Variants in PHYH observed in about 807,000 individuals in gnomAD.
The protein encoded by PHYH is phytanoyl-CoA 2-hydroxylase.
A neutral mutation model predicts 38.5 loss-of-function variants in PHYH; 32 were observed. That is an observed-to-expected ratio of 0.83 (90% CI 0.63 to 1.12). PHYH has a LOEUF of 1.12. PHYH is among the 50% of genes most tolerant of loss of function. PHYH has a pLI of 0.00. For missense variants in PHYH, 426 were observed against 434.8 expected, an observed-to-expected ratio of 0.98 and a Z score of 0.18; for synonymous variants, 166 against 157.9, an observed-to-expected ratio of 1.05 and a Z score of -0.38.
chr10:13,292,408 G>A (rs1023735439), intron 4 of PHYH, among the ~76,000 whole-genome samples: 2 of 152,222 alleles, frequency 1.3e-5, no homozygotes, highest in African/African-American at 2.4e-5. Flanking sequence ...AGGAGGTGAC[G>A]GGAAATGGGG....
At chr10:13,292,326 T>G (rs971348269) in intron 4 of PHYH, among the ~76,000 whole-genome samples, 2 of 152,152 alleles carry the variant, frequency 1.3e-5, no homozygotes, top group African/African-American at 4.8e-5. Flanking sequence ...GAAAGCAGAA[T>G]GGTGGCTTGG....
chr10:13,290,115 CAAAAAAAAAAAAAAAA>C (rs1172422242), intron 5 of PHYH, among the ~76,000 whole-genome samples: 3 of 33,394 alleles, frequency 9.0e-5, no homozygotes, highest in South Asian at 2.3e-3. Flanking sequence ...CTAAAAATAC[CAAAAAAAAAAAAAAAA>C]AAAAAAAAAA....
chr10:13,298,560 G>A (rs1832638984), intron 1 of PHYH, among the ~76,000 whole-genome samples: 1 of 151,964 alleles, frequency 6.6e-6, no homozygotes, highest in African/African-American at 2.4e-5. Flanking sequence ...AATTAGCCAG[G>A]CGTGGTGGCG....
At chr10:13,278,847 C>T (rs1202595131) in intron 8 of PHYH, among the ~76,000 whole-genome samples, 2 of 152,112 alleles carry the variant, frequency 1.3e-5, no homozygotes, top group Admixed American at 6.6e-5. Flanking sequence ...TCTACTTAAC[C>T]GACTTCTAAA....
rs186261928 is a variant in PHYH, at chr10:13,296,879, G to C, written c.135-1273C>G. Among the ~76,000 whole-genome samples the C allele has an allele frequency of 3.2e-3, 478 of 150,790 alleles. 1 individual carries two copies. Among genetic ancestry groups the C allele is most frequent in the African/African-American group, 0.011 (460 of 41,144 alleles). ...TGAGGCAGGAGAATGGCGTGAACCC[G>C]GGAGGCGGAGCTTGCAGTGAAGCAA... On this transcript the variant is annotated intron_variant, in intron 2 of 8. Transcript: ENST00000263038.
chr10:13,287,588 G>C (rs1469630836), intron 6 of PHYH, among the ~76,000 whole-genome samples: 1 of 152,100 alleles, frequency 6.6e-6, no homozygotes, highest in African/African-American at 2.4e-5. Context: ...TCAAGTTCAG[G>C]CTTGCCCTTG....
chr10:13,299,092 T>A (rs1393786743), intron 1 of PHYH, among the ~76,000 whole-genome samples: 1 of 146,666 alleles, frequency 6.8e-6, no homozygotes, highest in African/African-American at 2.5e-5. Context: ...GTACCACTAC[T>A]GCACTCCAGC....
At chr10:13,295,791 C>T (rs1485765213) in intron 2 of PHYH, among the ~76,000 whole-genome samples, 185 bp from the exon 3 acceptor site, 1 of 151,024 alleles carries the variant, frequency 6.6e-6, no homozygotes, top group Non-Finnish European at 1.5e-5. Flanking sequence ...CTGGTTGTGC[C>T]ACTCCACTCC....
chr10:13,279,360 T>C (rs1835362518), intron 8 of PHYH, among the ~76,000 whole-genome samples: 1 of 152,188 alleles, frequency 6.6e-6, no homozygotes, highest in African/African-American at 2.4e-5. Context: ...GAGATGATAA[T>C]AGTGAACATG....
chr10:13,284,544 G>A (rs147354839), intron 6 of PHYH, among the ~76,000 whole-genome samples: 187 of 152,096 alleles, frequency 1.2e-3, no homozygotes, highest in African/African-American at 4.2e-3. Flanking sequence ...TCTCCTCCTC[G>A]CCCAGAACTT....
chr10:13,291,140 T>A (rs993543583), intron 5 of PHYH, among the ~76,000 whole-genome samples: 9 of 150,300 alleles, frequency 6.0e-5, no homozygotes, highest in African/African-American at 2.2e-4. Flanking sequence ...ACCACTATAG[T>A]TTGTGACTCA....
intron 1 of PHYH, chr10:13,299,705 C>T: frequency 1.6e-6 from 2 of 1,287,008 alleles, no homozygotes; most frequent in Non-Finnish European, 2.0e-6. Context: ...GGAGCAGAGG[C>T]CCCCAGGGAT....
In PHYH at chr10:13,285,469, C is replaced by G. The variant is rs113955492; in HGVS notation, c.679-1630G>C. Among the ~76,000 whole-genome samples, 259 of 152,248 alleles carry G rather than the reference C, an allele frequency of 1.7e-3. 1 individual carries two copies. Among genetic ancestry groups the G allele is most frequent in the African/African-American group, 5.9e-3 (245 of 41,556 alleles). On this transcript the variant is annotated intron_variant, in intron 6 of 8. Coordinates refer to ENST00000263038, the MANE Select transcript of PHYH (RefSeq NM_006214.4). Reference sequence around the variant, plus strand: ...AAAGTGTTAAGATTATAGGCGTGAGCCACTGTGTCCAGACGAGTTAGGAGT... The same window carrying G: ...AAAGTGTTAAGATTATAGGCGTGAGGCACTGTGTCCAGACGAGTTAGGAGT...
Position 13,281,126 on chromosome 10 carries a change from A to G in PHYH, c.829-16T>C, listed in dbSNP as rs1364078407. 3.7e-6 allele frequency: 6 copies of G among 1,614,070 alleles called. No homozygotes were observed. In the South Asian group the frequency reaches 6.6e-5, roughly 18 times the overall value. On this transcript the variant is annotated splice_polypyrimidine_tract_variant and intron_variant, in intron 7 of 8. Transcript: ENST00000263038. ...AGGAAATTGCCTGTGCAAAGTGAAC[A>G]AATTGATATTGGAGAAAAACATCCC...
At chr10:13,288,271 T>C (rs775979480) in intron 6 of PHYH, 89 bp downstream of exon 6, 5 of 1,142,524 alleles carry the variant, frequency 4.4e-6, no homozygotes, top group Non-Finnish European at 6.6e-6. Flanking sequence ...GGAAATGCCA[T>C]CTCATTTGTA....
At chr10:13,290,115 C>CAAAAAAAAAA (rs1172422242) in intron 5 of PHYH, among the ~76,000 whole-genome samples, 2 of 33,394 alleles carry the variant, frequency 6.0e-5, no homozygotes, top group African/African-American at 2.5e-4. Context: ...CTAAAAATAC[C>CAAAAAAAAAA]AAAAAAAAAA....
chr10:13,299,823 C>A, intron 1 of PHYH, 145 bp downstream of exon 1: 1 of 1,321,968 alleles, frequency 7.6e-7, no homozygotes, highest in East Asian at 3.1e-5. Context: ...AGAGACGCGA[C>A]CCAGGCGGGG....
chr10:13,278,121 T>C lies in PHYH; in HGVS notation c.*180A>G, dbSNP rs199858179. 3.4e-6 allele frequency: 2 copies of C among 583,370 alleles called. No homozygotes were observed. The highest frequency in any genetic ancestry group is 6.2e-6 in the Non-Finnish European group (2 of 322,320). 36.1% of individuals were successfully genotyped at this position (583,370 alleles called of 1,614,324 possible). On this transcript the variant is annotated 3_prime_UTR_variant, in exon 9 of 9. Transcript: ENST00000263038. ...TATTTCACTTTTACTGTTTTTTTTT[T>C]CCATTAAAGCAACACCATTGTGCTG...
At chr10:13,283,367 G>A (rs1835464638) in intron 7 of PHYH, among the ~76,000 whole-genome samples, 1 of 152,000 alleles carries the variant, frequency 6.6e-6, no homozygotes, top group Non-Finnish European at 1.5e-5. Context: ...CTGACCTCGT[G>A]ATCCACCCGC....
Sources: allele counts gnomAD v4.1 joint callset (sites outside exome capture counted in the v4.1 genomes callset), GRCh38; gene constraint gnomAD v4.1.1; transcripts MANE v1.5; gene names NCBI Gene and HGNC (gene_info 2026-07-23, HGNC 2026-07-21).